Variants in CCDC192 observed in about 807,000 individuals in gnomAD.
CCDC192 encodes the protein coiled-coil domain containing 192, also known as coiled-coil domain-containing protein 192.
intron 3 of CCDC192, chr5:127,785,207 A>G: frequency 1.9e-6 from 1 of 526,026 alleles, no homozygotes; most frequent in Admixed American, 2.0e-5. Flanking sequence ...AACCATGTCA[A>G]TTTTCAGCCA....
rs181568731 is a variant in CCDC192 at position 127,880,688 on chromosome 5, A to C, written c.535+5027A>C. 6.3e-3 allele frequency among the ~76,000 whole-genome samples: 958 copies of C among 152,230 alleles called. 15 individuals carry two copies. The highest frequency in any genetic ancestry group is 0.021 in the African/African-American group (890 of 41,548). On this transcript the variant is annotated intron_variant, in intron 6 of 6. Transcript: ENST00000514853. ...ACCTTCAGCTGGTGGTCAAGTTAAAATATAGTATAGGCCAGGCACGGTGGC... is the reference window on the plus strand; with the variant it reads ...ACCTTCAGCTGGTGGTCAAGTTAAACTATAGTATAGGCCAGGCACGGTGGC...
chr5:127,830,118 A>G lies in CCDC192; in HGVS notation c.411+31956A>G, dbSNP rs186875870. ...CCTTATATAGCAAAGGGGGAAAAAC[A>G]GTGCAAGGCTCACATGCAAAAAATA... On this transcript the variant is annotated intron_variant, in intron 5 of 6. Coordinates refer to ENST00000514853, the MANE Select transcript of CCDC192 (RefSeq NM_001317938.2). 1.4e-4 allele frequency among the ~76,000 whole-genome samples: 22 copies of G among 152,280 alleles called. No individual in the cohort carries two copies. In the East Asian group the frequency reaches 3.7e-3, roughly 25 times the overall value.
At chr5:127,759,499 C>T (rs1015694495) in intron 3 of CCDC192, among the ~76,000 whole-genome samples, 2 of 152,086 alleles carry the variant, frequency 1.3e-5, no homozygotes, top group Admixed American at 1.3e-4. Flanking sequence ...TCATAAGACA[C>T]CAGATCTGTT....
chr5:127,864,140 A>G lies in CCDC192; in HGVS notation c.412-11398A>G, dbSNP rs577542619. ...TGATCAGAAAGTTTGAGTTCAAAAC[A>G]TAACTGATTAAATATGACTCACTTG... On this transcript the variant is annotated intron_variant, in intron 5 of 6. Coordinates refer to ENST00000514853, the MANE Select transcript of CCDC192 (RefSeq NM_001317938.2). Among the ~76,000 whole-genome samples, 13 of 152,376 alleles carry G rather than the reference A, an allele frequency of 8.5e-5. No homozygotes were observed. The South Asian group carries it at 2.7e-3, about 32-fold the overall frequency.
chr5:127,923,901 G>C lies in CCDC192; in HGVS notation c.536-17281G>C, dbSNP rs147346713. Among the ~76,000 whole-genome samples the C allele has an allele frequency of 9.2e-5, 14 of 152,294 alleles. 1 individual carries two copies. In the East Asian group the frequency reaches 2.7e-3, roughly 29 times the overall value. On this transcript the variant is annotated intron_variant, in intron 6 of 6. Coordinates refer to ENST00000514853, the MANE Select transcript of CCDC192 (RefSeq NM_001317938.2). The stretch of plus-strand genomic sequence containing the variant: ...ATGCAACCACCTTGCAGATAGAAAG[G>C]AGAAACAAAAGAATCCCAGAGAAGC...
At chr5:127,760,285 TTAAC>T (rs1321401041) in intron 3 of CCDC192, among the ~76,000 whole-genome samples, 1 of 147,714 alleles carries the variant, frequency 6.8e-6, no homozygotes, top group African/African-American at 2.5e-5. Context: ...TTTTACATCA[TTAAC>T]TAAAGAAAAC....
At chr5:127,791,566 T>C (rs1756868336) in intron 3 of CCDC192, among the ~76,000 whole-genome samples, 1 of 152,188 alleles carries the variant, frequency 6.6e-6, no homozygotes, top group African/African-American at 2.4e-5. Flanking sequence ...GGAAAGATAC[T>C]GGAATACAAG....
At chr5:127,912,440 AT>A (rs1753400166) in intron 6 of CCDC192, among the ~76,000 whole-genome samples, 2 of 150,600 alleles carry the variant, frequency 1.3e-5, no homozygotes. Flanking sequence ...AAAAAAAAAA[AT>A]GAAGCTGTAC....
At chr5:127,750,933 C>T (rs1754120353) in intron 2 of CCDC192, among the ~76,000 whole-genome samples, 1 of 149,716 alleles carries the variant, frequency 6.7e-6, no homozygotes, top group Admixed American at 6.6e-5. Context: ...ACTAAGATTG[C>T]AACCCCTGCC....
intron 6 of CCDC192, among the ~76,000 whole-genome samples, chr5:127,903,972 C>T (rs1313570899): frequency 1.3e-5 from 2 of 152,142 alleles, no homozygotes; most frequent in Admixed American, 6.5e-5. Flanking sequence ...CCTGTGAATA[C>T]GTTCAGGGAC....
intron 2 of CCDC192, among the ~76,000 whole-genome samples, chr5:127,720,976 C>G (rs1751987495): frequency 6.6e-6 from 1 of 152,242 alleles, no homozygotes; most frequent in African/African-American, 2.4e-5. Context: ...CCTTGGCCTC[C>G]AGGCCTATGA....
intron 6 of CCDC192, among the ~76,000 whole-genome samples, chr5:127,880,276 A>C (rs1752292694): frequency 6.6e-6 from 1 of 152,102 alleles, no homozygotes; most frequent in South Asian, 2.1e-4. Flanking sequence ...GCAGCCATAA[A>C]AAGTGATGAG....
intron 6 of CCDC192, among the ~76,000 whole-genome samples, chr5:127,891,144 C>T (rs575291460): frequency 5.9e-5 from 9 of 152,268 alleles, no homozygotes; most frequent in East Asian, 1.9e-4. Context: ...CTCAGCCTCC[C>T]GGGTTCAAGC....
At chr5:127,925,216 GA>G (rs1753830735) in intron 6 of CCDC192, among the ~76,000 whole-genome samples, 1 of 152,048 alleles carries the variant, frequency 6.6e-6, no homozygotes, top group African/African-American at 2.4e-5. Context: ...GTAACTATTG[GA>G]AAAAACACCT....
intron 5 of CCDC192, among the ~76,000 whole-genome samples, chr5:127,861,764 C>T (rs978561248): frequency 1.1e-4 from 16 of 151,994 alleles, no homozygotes; most frequent in Admixed American, 5.9e-4. Flanking sequence ...GTATGTAAAC[C>T]CTGAGGTGAT....
intron 5 of CCDC192, among the ~76,000 whole-genome samples, chr5:127,821,696 T>C (rs1749299790): frequency 6.6e-6 from 1 of 152,222 alleles, no homozygotes; most frequent in Non-Finnish European, 1.5e-5. Flanking sequence ...AAAGGGAACC[T>C]GGGAGATCAA....
At chr5:127,895,513 G>C (rs1437895208) in intron 6 of CCDC192, among the ~76,000 whole-genome samples, 1 of 152,066 alleles carries the variant, frequency 6.6e-6, no homozygotes, top group Non-Finnish European at 1.5e-5. Context: ...ATAAAATCTA[G>C]AGCACAATTT....
intron 2 of CCDC192, among the ~76,000 whole-genome samples, chr5:127,753,409 A>G (rs1754358450): frequency 6.6e-6 from 1 of 152,186 alleles, no homozygotes; most frequent in Admixed American, 6.5e-5. Flanking sequence ...CTTTAGAAAC[A>G]TTTTGAGTCC....
At chr5:127,887,402 G>A (rs1034259968) in intron 6 of CCDC192, among the ~76,000 whole-genome samples, 1 of 150,924 alleles carries the variant, frequency 6.6e-6, no homozygotes, top group Non-Finnish European at 1.5e-5. Context: ...ACACTAGGCT[G>A]TCTATAATAG....
Sources: gnomAD v4.1 joint callset for allele counts (sites outside exome capture counted in the v4.1 genomes callset) on GRCh38, gnomAD v4.1.1 for gene constraint, MANE v1.5 for transcripts, NCBI Gene and HGNC (gene_info 2026-07-23, HGNC 2026-07-21) for gene names.